Variants in NKAIN3 observed in about 807,000 individuals in gnomAD.
NKAIN3 encodes sodium/potassium transporting ATPase interacting 3.
A neutral mutation model predicts 30.2 loss-of-function variants in NKAIN3; 25 were observed. The observed-to-expected ratio is 0.83, with a 90% CI of 0.60 to 1.16. NKAIN3 has a LOEUF of 1.16. NKAIN3 is among the 50% of genes most tolerant of loss of function. The probability of loss-of-function intolerance (pLI) is 0.00; values close to 1 mark genes in which losing one functional copy is unlikely to be tolerated. For synonymous variants in NKAIN3, 91 were observed against 89.6 expected, an observed-to-expected ratio of 1.02 and a Z score of -0.09; for missense variants, 225 against 254.1, an observed-to-expected ratio of 0.89 and a Z score of 0.78.
intron 1 of NKAIN3, among the ~76,000 whole-genome samples, chr8:62,308,125 T>C (rs1488173152): frequency 1.3e-5 from 2 of 150,618 alleles, no homozygotes; most frequent in East Asian, 1.9e-4. Context: ...CCAAAAGCAC[T>C]TTCCTCAGAT....
chr8:62,851,737 T>C (rs1387940479), intron 4 of NKAIN3, among the ~76,000 whole-genome samples: 1 of 152,232 alleles, frequency 6.6e-6, no homozygotes, highest in African/African-American at 2.4e-5. Flanking sequence ...TCATTGGTTC[T>C]GTTTATATGC....
chr8:62,839,196 T>A (rs1190210661), intron 4 of NKAIN3, among the ~76,000 whole-genome samples: 1 of 148,880 alleles, frequency 6.7e-6, no homozygotes, highest in Non-Finnish European at 1.5e-5. Flanking sequence ...ATTATCAACT[T>A]TTTCTTCTTT....
At chr8:62,765,435 T>A (rs1241729069) in intron 4 of NKAIN3, among the ~76,000 whole-genome samples, 1 of 152,112 alleles carries the variant, frequency 6.6e-6, no homozygotes, top group African/African-American at 2.4e-5. Flanking sequence ...AACTTTCAGA[T>A]TGATGGAAAG....
chr8:62,735,404 A>G (rs1171008095), intron 3 of NKAIN3, among the ~76,000 whole-genome samples: 1 of 133,604 alleles, frequency 7.5e-6, no homozygotes. Context: ...TGAGCTCTGA[A>G]GTTCTTTATT....
intron 4 of NKAIN3, among the ~76,000 whole-genome samples, chr8:62,775,586 G>T (rs1180092080): frequency 6.6e-6 from 1 of 151,614 alleles, no homozygotes; most frequent in African/African-American, 2.4e-5. Flanking sequence ...TATTCCATAG[G>T]TTTTTGCAGG....
At chr8:62,422,531 G>T (rs1183110205) in intron 1 of NKAIN3, among the ~76,000 whole-genome samples, 1 of 152,098 alleles carries the variant, frequency 6.6e-6, no homozygotes, top group Non-Finnish European at 1.5e-5. Flanking sequence ...TTCTACACTG[G>T]TGATGTAGAA....
chr8:62,479,530 C>T (rs148656077), intron 1 of NKAIN3, among the ~76,000 whole-genome samples: 57 of 152,296 alleles, frequency 3.7e-4, no homozygotes, highest in African/African-American at 1.3e-3. Context: ...GAACTGTTAG[C>T]AGCTTCTTGC....
intron 3 of NKAIN3, among the ~76,000 whole-genome samples, chr8:62,704,667 C>T (rs1814462084): frequency 6.6e-6 from 1 of 152,138 alleles, no homozygotes; most frequent in South Asian, 2.1e-4. Context: ...CAAAGAGAGC[C>T]TTCTAGATTT....
chr8:62,860,475 C>T (rs185361505), intron 4 of NKAIN3, among the ~76,000 whole-genome samples: 92 of 152,300 alleles, frequency 6.0e-4, no homozygotes, highest in African/African-American at 2.1e-3. Context: ...TTCTCCCTCG[C>T]TTCTGTTTTA....
chr8:62,970,060 TAA>T lies in NKAIN3; in HGVS notation c.*4661_*4662del, dbSNP rs66951140. On this transcript the variant is annotated 3_prime_UTR_variant, in exon 7 of 7. Transcript: ENST00000623646. ...AACAAACAAATAAACAAAAAATACC[TAA>T]AAAAAAATTTAAATTAGCCAAGCAT... Among the ~76,000 whole-genome samples the T allele has an allele frequency of 6.6e-6, 1 of 151,136 alleles. No homozygotes were observed. The highest frequency in any genetic ancestry group is 2.1e-4 in the South Asian group (1 of 4,786).
intron 1 of NKAIN3, among the ~76,000 whole-genome samples, chr8:62,516,690 T>C (rs2129763062): frequency 6.6e-6 from 1 of 152,242 alleles, no homozygotes; most frequent in Admixed American, 6.5e-5. Flanking sequence ...TTTTAAAATG[T>C]GCTCTGTACA....
chr8:62,663,125 C>G (rs1038305268), intron 3 of NKAIN3, among the ~76,000 whole-genome samples: 1 of 152,146 alleles, frequency 6.6e-6, no homozygotes, highest in African/African-American at 2.4e-5. Flanking sequence ...AGCAAGTGCC[C>G]TGTGCTGCCC....
chr8:62,761,763 A>T (rs1816671437), intron 4 of NKAIN3, among the ~76,000 whole-genome samples: 1 of 152,202 alleles, frequency 6.6e-6, no homozygotes, highest in South Asian at 2.1e-4. Context: ...CGAAAAGAAC[A>T]GACAGCTGGG....
chr8:62,434,989 T>C (rs1244710027), intron 1 of NKAIN3, among the ~76,000 whole-genome samples: 1 of 152,088 alleles, frequency 6.6e-6, no homozygotes, highest in Non-Finnish European at 1.5e-5. Context: ...TTTCCTGAGC[T>C]GGAGAACACT....
chr8:62,906,610 G>T (rs1195893495), intron 4 of NKAIN3, among the ~76,000 whole-genome samples: 13 of 152,184 alleles, frequency 8.5e-5, no homozygotes, highest in African/African-American at 3.1e-4. Context: ...TGAATCATGG[G>T]AGTGGGACTT....
Position 62,975,181 on chromosome 8 carries a change from G to A in NKAIN3, c.*9774G>A, listed in dbSNP as rs1416564491. 6.6e-6 allele frequency among the ~76,000 whole-genome samples: 1 copy of A among 152,152 alleles called. No individual in the cohort carries two copies. Among genetic ancestry groups the A allele is most frequent in the East Asian group, 1.9e-4 (1 of 5,196 alleles). Reference sequence around the variant, plus strand: ...CAGAATGATGCTGGCCTCAAAATATGAGTTAGGGAGGAGTCTGTCTTTTCT... The same window carrying A: ...CAGAATGATGCTGGCCTCAAAATATAAGTTAGGGAGGAGTCTGTCTTTTCT... On this transcript the variant is annotated 3_prime_UTR_variant, in exon 7 of 7. Transcript: ENST00000623646.
chr8:62,398,194 G>A (rs1356968757), intron 1 of NKAIN3, among the ~76,000 whole-genome samples: 1 of 152,112 alleles, frequency 6.6e-6, no homozygotes, highest in Admixed American at 6.5e-5. Flanking sequence ...CTGCAGGGAA[G>A]GGGCCCCTGG....
intron 4 of NKAIN3, among the ~76,000 whole-genome samples, chr8:62,874,305 C>A (rs187822450): frequency 1.1e-4 from 17 of 152,236 alleles, no homozygotes; most frequent in Non-Finnish European, 1.5e-5. Context: ...CCTGAGTAGA[C>A]CAATAACAAG....
At chr8:62,315,887 T>A (rs1345401699) in intron 1 of NKAIN3, among the ~76,000 whole-genome samples, 1 of 152,210 alleles carries the variant, frequency 6.6e-6, no homozygotes, top group Non-Finnish European at 1.5e-5. Context: ...TGATATGGTT[T>A]GGCTGTGTCC....
Sources: allele counts gnomAD v4.1 joint callset (sites outside exome capture counted in the v4.1 genomes callset), GRCh38; gene constraint gnomAD v4.1.1; transcripts MANE v1.5; gene names NCBI Gene and HGNC (gene_info 2026-07-23, HGNC 2026-07-21).